BICC1: variants seen among roughly 807,000 people sequenced by gnomAD.
The protein encoded by BICC1 is BicC family RNA binding protein 1, also known as protein bicaudal C homolog 1.
A neutral mutation model predicts 111.0 loss-of-function variants in BICC1; 43 were observed. The observed-to-expected ratio is 0.39, with a 90% CI of 0.30 to 0.50. The LOEUF (loss-of-function observed/expected upper bound fraction) is 0.50. BICC1 is among the 20% of genes least tolerant of loss of function. The probability of loss-of-function intolerance (pLI) is 0.88; values close to 1 mark genes in which losing one functional copy is unlikely to be tolerated. For synonymous variants in BICC1, 467 were observed against 434.4 expected, an observed-to-expected ratio of 1.07 and a Z score of -0.93; for missense variants, 1,091 against 1,203.2, an observed-to-expected ratio of 0.91 and a Z score of 1.38.
chr10:58,528,348 A>G (rs1479215053), intron 1 of BICC1, among the ~76,000 whole-genome samples: 2 of 151,886 alleles, frequency 1.3e-5, no homozygotes, highest in Non-Finnish European at 2.9e-5. Context: ...TTGAATGAGG[A>G]TATGCAAAAC....
intron 2 of BICC1, among the ~76,000 whole-genome samples, chr10:58,627,122 C>T (rs1837657001): frequency 6.6e-6 from 1 of 151,982 alleles, no homozygotes; most frequent in Non-Finnish European, 1.5e-5. Context: ...AAAGTATGTT[C>T]AATGATAGTG....
chr10:58,713,794 C>T (rs988128920), intron 3 of BICC1, among the ~76,000 whole-genome samples: 3 of 152,186 alleles, frequency 2.0e-5, no homozygotes, highest in African/African-American at 7.2e-5. Context: ...GTGTGCTAGA[C>T]CTCTGTCTTT....
chr10:58,807,300 A>G (rs1843739916), intron 17 of BICC1, 142 bp downstream of exon 17: 2 of 737,066 alleles, frequency 2.7e-6, no homozygotes, highest in East Asian at 5.4e-5. Flanking sequence ...TTGTAAACAC[A>G]CTGTTATAAA....
chr10:58,729,295 A>G (rs1445368302), intron 3 of BICC1, among the ~76,000 whole-genome samples: 2 of 152,242 alleles, frequency 1.3e-5, no homozygotes, highest in African/African-American at 4.8e-5. Context: ...TACAGCTTCT[A>G]CATCAGCACT....
At chr10:58,706,067 CT>C (rs1336154640) in intron 3 of BICC1, among the ~76,000 whole-genome samples, 1 of 152,104 alleles carries the variant, frequency 6.6e-6, no homozygotes, top group Non-Finnish European at 1.5e-5. Context: ...AATTTAACTC[CT>C]TCTGACTCTT....
intron 3 of BICC1, among the ~76,000 whole-genome samples, chr10:58,719,409 C>A (rs963048896): frequency 3.0e-4 from 45 of 152,210 alleles, no homozygotes; most frequent in African/African-American, 9.2e-4. Context: ...TCCCAGGTGG[C>A]ATGTCTTCCT....
intron 1 of BICC1, among the ~76,000 whole-genome samples, chr10:58,589,802 TA>T (rs1564500705): frequency 1.3e-5 from 2 of 152,052 alleles, no homozygotes; most frequent in Admixed American, 6.5e-5. Context: ...TTATTATTAT[TA>T]TTTTTTTTAG....
At chr10:58,653,361 A>C (rs556267486) in intron 2 of BICC1, among the ~76,000 whole-genome samples, 1 of 152,262 alleles carries the variant, frequency 6.6e-6, no homozygotes, top group South Asian at 2.1e-4. Context: ...GTTTGTTTTC[A>C]GTTCTTTTAG....
intron 1 of BICC1, among the ~76,000 whole-genome samples, chr10:58,596,269 A>G (rs1588907818): frequency 6.6e-6 from 1 of 152,206 alleles, no homozygotes; most frequent in Admixed American, 6.5e-5. Flanking sequence ...TACACGAATC[A>G]ATAAATGTAA....
intron 3 of BICC1, among the ~76,000 whole-genome samples, chr10:58,765,486 C>A (rs1012055505): frequency 6.6e-6 from 1 of 152,138 alleles, no homozygotes; most frequent in African/African-American, 2.4e-5. Context: ...TTTAAAGTAA[C>A]GGTGAACTCC....
intron 1 of BICC1, among the ~76,000 whole-genome samples, chr10:58,586,753 A>G (rs1204776312): frequency 2.0e-5 from 3 of 152,218 alleles, no homozygotes; most frequent in Non-Finnish European, 4.4e-5. Context: ...ATGTATACAT[A>G]GGCAGAAAGC....
intron 2 of BICC1, among the ~76,000 whole-genome samples, chr10:58,633,181 C>A (rs981048437): frequency 5.9e-5 from 9 of 152,186 alleles, no homozygotes; most frequent in African/African-American, 1.9e-4. Context: ...CCTGCACAAG[C>A]CCTGTAAGAC....
chr10:58,649,149 A>T (rs1838363010), intron 2 of BICC1, among the ~76,000 whole-genome samples: 1 of 152,228 alleles, frequency 6.6e-6, no homozygotes. Context: ...AGGCGAGTAG[A>T]TGATCTCTTG....
chr10:58,600,639 C>T (rs1412412236), intron 1 of BICC1, among the ~76,000 whole-genome samples: 1 of 151,862 alleles, frequency 6.6e-6, no homozygotes, highest in African/African-American at 2.4e-5. Flanking sequence ...TGTATGGGTC[C>T]ACTTATGTGT....
chr10:58,695,046 G>A (rs540917732), intron 2 of BICC1, among the ~76,000 whole-genome samples: 1 of 152,142 alleles, frequency 6.6e-6, no homozygotes, highest in Non-Finnish European at 1.5e-5. Flanking sequence ...CAGCTATACA[G>A]TAAGTTTATC....
At chr10:58,801,188 T>A (rs1487680921) in intron 14 of BICC1, 142 bp downstream of exon 14, 8 of 669,278 alleles carry the variant, frequency 1.2e-5, no homozygotes, top group Middle Eastern at 4.5e-4. Flanking sequence ...TTAAAAAAAA[T>A]ATTAAGGAAT....
At chr10:58,630,040 C>T (rs1837746238) in intron 2 of BICC1, among the ~76,000 whole-genome samples, 1 of 152,100 alleles carries the variant, frequency 6.6e-6, no homozygotes, top group South Asian at 2.1e-4. Flanking sequence ...CTCTTCCAGC[C>T]ACAGCTGCTT....
At chr10:58,812,487 T>C (rs572373895) in intron 17 of BICC1, among the ~76,000 whole-genome samples, 4 of 150,990 alleles carry the variant, frequency 2.6e-5, no homozygotes, top group South Asian at 2.1e-4. Context: ...CTTTTCTTTT[T>C]TTTTTTTTTG....
intron 2 of BICC1, among the ~76,000 whole-genome samples, chr10:58,695,867 T>C (rs1475430074): frequency 6.6e-6 from 1 of 152,190 alleles, no homozygotes; most frequent in African/African-American, 2.4e-5. Flanking sequence ...AGAATATGAA[T>C]GGAAATTATT....
Sources: gnomAD v4.1 joint callset for allele counts (sites outside exome capture counted in the v4.1 genomes callset) on GRCh38, gnomAD v4.1.1 for gene constraint, MANE v1.5 for transcripts, NCBI Gene and HGNC (gene_info 2026-07-23, HGNC 2026-07-21) for gene names.